ZMYM2: variants seen among roughly 807,000 people sequenced by gnomAD.
ZMYM2 encodes zinc finger MYM-type protein 2.
Under a neutral mutation model 162.8 loss-of-function variants are expected in ZMYM2, and 56 were observed. The ratio of observed to expected loss-of-function variants is 0.34; its 90% CI spans 0.28 to 0.43. The LOEUF (loss-of-function observed/expected upper bound fraction) is 0.43. ZMYM2 is among the 20% of genes least tolerant of loss of function. ZMYM2 has a pLI of 1.00. For missense variants in ZMYM2, 1,275 were observed against 1,621.8 expected, an observed-to-expected ratio of 0.79 and a Z score of 3.67; for synonymous variants, 510 against 541.6, an observed-to-expected ratio of 0.94 and a Z score of 0.81.
At chr13:19,940,657 CTG>C in the ZMYM2 span, among the ~76,000 whole-genome samples, 1 of 152,184 alleles carries the variant, frequency 6.6e-6, no homozygotes, top group African/African-American at 2.4e-5. Context: ...ACCCACTAGA[CTG>C]TATTTCAAAT....
At chr13:19,884,193 T>A in the ZMYM2 span, among the ~76,000 whole-genome samples, 1 of 152,150 alleles carries the variant, frequency 6.6e-6, no homozygotes, top group Non-Finnish European at 1.5e-5. Flanking sequence ...CATACCGAGA[T>A]CCCCAGCTCT....
chr13:19,920,586 A>T, the ZMYM2 span, among the ~76,000 whole-genome samples: 2 of 151,494 alleles, frequency 1.3e-5, no homozygotes, highest in African/African-American at 4.9e-5. Flanking sequence ...ATTAAGGGGA[A>T]AGAGGAGGAG....
intron 2 of ZMYM2, among the ~76,000 whole-genome samples, chr13:19,986,733 T>C (rs1392971957): frequency 6.6e-6 from 1 of 152,158 alleles, no homozygotes; most frequent in Non-Finnish European, 1.5e-5. Flanking sequence ...ATGGTTATTA[T>C]GGACCAAATA....
At chr13:19,983,401 C>T (rs1047008888) in intron 2 of ZMYM2, among the ~76,000 whole-genome samples, 33 of 152,240 alleles carry the variant, frequency 2.2e-4, no homozygotes, top group East Asian at 5.8e-4. Flanking sequence ...CTCCCTCGGC[C>T]TCCCAAAGTG....
intron 12 of ZMYM2, among the ~76,000 whole-genome samples, chr13:20,043,093 C>T (rs1954422759): frequency 6.6e-6 from 1 of 152,094 alleles, no homozygotes; most frequent in South Asian, 2.1e-4. Context: ...TGGATTCAGC[C>T]AAGTGACTGT....
intron 24 of ZMYM2, 95 bp downstream of exon 24, chr13:20,083,871 C>A (rs544810329): frequency 1.2e-4 from 157 of 1,257,218 alleles, no homozygotes; most frequent in Non-Finnish European, 1.6e-4. Context: ...TAGATGGATT[C>A]TTTCTCAGAT....
chr13:19,944,179 A>G, the ZMYM2 span, among the ~76,000 whole-genome samples: 1 of 152,240 alleles, frequency 6.6e-6, no homozygotes, highest in Non-Finnish European at 1.5e-5. Context: ...CAATTGCCAC[A>G]GAGACAGTTA....
chr13:20,083,853 G>C, intron 24 of ZMYM2, 77 bp downstream of exon 24: 1 of 1,380,190 alleles, frequency 7.2e-7, no homozygotes, highest in Non-Finnish European at 9.9e-7. Context: ...ACCAAGAAGT[G>C]ACTTTTTTAG....
chr13:19,885,762 T>G, the ZMYM2 span, among the ~76,000 whole-genome samples: 1,803 of 150,240 alleles, frequency 0.012, 36 homozygotes, highest in African/African-American at 0.04. Context: ...CAGGAGAATC[T>G]CTTGAACCCA....
intron 12 of ZMYM2, among the ~76,000 whole-genome samples, chr13:20,047,849 G>A (rs530704368): frequency 2.6e-5 from 4 of 151,996 alleles, no homozygotes; most frequent in East Asian, 3.9e-4. Flanking sequence ...TAAAATTAAC[G>A]TATTTTTCTT....
chr13:19,901,887 G>A, the ZMYM2 span, among the ~76,000 whole-genome samples: 2 of 152,094 alleles, frequency 1.3e-5, no homozygotes, highest in Non-Finnish European at 2.9e-5. Flanking sequence ...CAAACTCCTA[G>A]CTCAAGTGAT....
intron 6 of ZMYM2, among the ~76,000 whole-genome samples, chr13:20,014,832 C>T (rs1272897934): frequency 7.5e-6 from 1 of 133,992 alleles, no homozygotes; most frequent in African/African-American, 2.8e-5. Flanking sequence ...GTGGCATGAT[C>T]TTAGCTCACT....
the ZMYM2 span, among the ~76,000 whole-genome samples, chr13:19,885,744 G>A: frequency 6.6e-6 from 1 of 151,172 alleles, no homozygotes; most frequent in Non-Finnish European, 1.5e-5. Context: ...CTACTCAGGA[G>A]GCTGAGGCAG....
In ZMYM2 at chr13:20,005,065, A is replaced by C. The variant is rs749205422; in HGVS notation, c.1134-9A>C. On this transcript the variant is annotated splice_polypyrimidine_tract_variant and intron_variant, in intron 4 of 24. Coordinates refer to ENST00000610343, the MANE Select transcript of ZMYM2 (RefSeq NM_197968.4). The stretch of plus-strand genomic sequence containing the variant: ...AATGGAATTTTAATATGTACCACTT[A>C]TTTTTCAGAGATATAACTACAATGA... 34 of 1,588,288 alleles carry C rather than the reference A, an allele frequency of 2.1e-5. No individual in the cohort carries two copies. The highest frequency in any genetic ancestry group is 2.6e-5 in the Non-Finnish European group (30 of 1,172,148).
the ZMYM2 span, among the ~76,000 whole-genome samples, chr13:19,910,659 T>A: frequency 0.027 from 4,066 of 151,870 alleles, 68 homozygotes; most frequent in Middle Eastern, 0.037. Flanking sequence ...ACACCTTTCA[T>A]CATGACTCTG....
At chr13:20,037,802 G>A (rs886549237) in intron 12 of ZMYM2, among the ~76,000 whole-genome samples, 1 of 152,106 alleles carries the variant, frequency 6.6e-6, no homozygotes, top group East Asian at 1.9e-4. Context: ...GGTAAATTTA[G>A]GTCATGGTAA....
rs1952605065 is a variant in ZMYM2 at position 20,026,625 on chromosome 13, T to C, written c.1598T>C (p.Leu533Pro). 1.9e-6 allele frequency: 3 copies of C among 1,593,660 alleles called. No individual in the cohort carries two copies. The highest frequency in any genetic ancestry group is 2.6e-6 in the Non-Finnish European group (3 of 1,175,264). The change falls in exon 8 of 25, where the codon CTG (leucine) becomes CCG (proline). Residue 533 changes from leucine to proline, a missense_variant. Coordinates refer to ENST00000610343, the MANE Select transcript of ZMYM2 (RefSeq NM_197968.4). ...FLMQPEKYGK[L>P]TTCTGCRTQC... ...TTCAAATTTTAGAAATATGGAAAAC[T>C]GACAACTTGTACTGGTTGCCGAACA...
At chr13:19,926,660 A>G in the ZMYM2 span, among the ~76,000 whole-genome samples, 1 of 151,970 alleles carries the variant, frequency 6.6e-6, no homozygotes. Context: ...CACTGCACCC[A>G]GTCTCTATTT....
intron 2 of ZMYM2, among the ~76,000 whole-genome samples, chr13:19,973,111 A>G (rs557255097): frequency 1.3e-5 from 2 of 151,528 alleles, no homozygotes; most frequent in African/African-American, 4.8e-5. Context: ...TAAGTTTTGT[A>G]TTTTTAGTAG....
Sources: allele counts gnomAD v4.1 joint callset (sites outside exome capture counted in the v4.1 genomes callset), GRCh38; gene constraint gnomAD v4.1.1; transcripts MANE v1.5; gene names NCBI Gene and HGNC (gene_info 2026-07-23, HGNC 2026-07-21).